Variants in PRKDC observed in about 807,000 individuals in gnomAD.
PRKDC encodes DNA-dependent protein kinase catalytic subunit.
PRKDC carries 82 observed loss-of-function variants against 486.9 expected under a neutral mutation model. That is an observed-to-expected ratio of 0.17 (90% confidence interval 0.14 to 0.20). The LOEUF is 0.20. Ranked by LOEUF, PRKDC falls within the 10% of genes least tolerant of loss-of-function variation. The pLI is 1.00. For missense variants in PRKDC, 4,504 were observed against 5,038.2 expected, an observed-to-expected ratio of 0.89 and a Z score of 3.21; for synonymous variants, 1,895 against 1,837.0, an observed-to-expected ratio of 1.03 and a Z score of -0.81.
At chr8:47,790,835 G>C (rs1204689434) in intron 74 of PRKDC, among the ~76,000 whole-genome samples, 4 of 152,092 alleles carry the variant, frequency 2.6e-5, no homozygotes, top group Non-Finnish European at 5.9e-5. Flanking sequence ...CCAATAAATG[G>C]TCCTGGGAAA....
Position 47,782,334 on chromosome 8 carries a change from G to A in PRKDC, c.11396+44C>T. ...AGAAAAACAGTCCCGTGGACGCCAA[G>A]CAATATGCAGCAGCCTACTGGCTGG... On this transcript the variant is annotated intron_variant, in intron 79 of 85. Coordinates refer to ENST00000314191, the MANE Select transcript of PRKDC (RefSeq NM_006904.7). The surrounding 1 kb of genome is among the most constrained non-coding windows in gnomAD (Gnocchi z 4.9). 1.9e-6 allele frequency: 3 copies of A among 1,609,874 alleles called. No individual in the cohort carries two copies. The highest frequency in any genetic ancestry group is 1.1e-5 in the South Asian group (1 of 90,716).
chr8:47,912,339 C>T, intron 25 of PRKDC, 71 bp downstream of exon 25: 1 of 1,427,718 alleles, frequency 7.0e-7, no homozygotes, highest in Non-Finnish European at 9.3e-7. Flanking sequence ...TTCCACTGCT[C>T]TGCTGACCAC....
intron 25 of PRKDC, among the ~76,000 whole-genome samples, 195 bp from the exon 26 acceptor site, chr8:47,905,171 A>T (rs1216628772): frequency 1.3e-5 from 2 of 152,160 alleles, no homozygotes; most frequent in East Asian, 3.8e-4. Context: ...GACTACAGGC[A>T]TGTACCACCA....
At chr8:47,870,832 T>C (rs561891414) in intron 40 of PRKDC, among the ~76,000 whole-genome samples, 2 of 152,000 alleles carry the variant, frequency 1.3e-5, no homozygotes, top group Admixed American at 6.5e-5. Context: ...AAATTCAACA[T>C]AATACAGAAA....
intron 45 of PRKDC, 130 bp downstream of exon 45, chr8:47,860,769 T>C (rs545187684): frequency 8.0e-6 from 5 of 625,272 alleles, no homozygotes; most frequent in South Asian, 7.8e-5. Context: ...TCAATTTCAA[T>C]GTTTTAGGGT....
At chr8:47,892,514 A>G (rs1234401083) in intron 31 of PRKDC, among the ~76,000 whole-genome samples, 1 of 152,032 alleles carries the variant, frequency 6.6e-6, no homozygotes, top group Non-Finnish European at 1.5e-5. Context: ...TATTTTTTGT[A>G]CAGATAGTGT....
chr8:47,806,735 T>C (rs374830582), intron 69 of PRKDC, among the ~76,000 whole-genome samples: 80 of 152,396 alleles, frequency 5.2e-4, no homozygotes, highest in African/African-American at 1.9e-3. Context: ...ATTCATTTTG[T>C]TAACGATCAA....
Position 47,882,000 on chromosome 8 carries a change from T to G in PRKDC, c.4874A>C (p.His1625Pro). The change falls in exon 37 of 86, where the codon CAC (histidine) becomes CCC (proline). Residue 1625 changes from histidine to proline, a missense_variant. His to Pro is a moderately conservative substitution (Grantham distance 77, BLOSUM62 -2). Transcript: ENST00000314191. ...GLKLATTILQ[H>P]WKKCDSWWAK... ...CCACCATGAATCACACTTCTTCCAG[T>G]GTTGCAGAATTGTAGTCGCAAGTTT... 4 of 1,614,054 alleles carry G rather than the reference T, an allele frequency of 2.5e-6. No individual in the cohort carries two copies. The highest frequency in any genetic ancestry group is 3.4e-6 in the Non-Finnish European group (4 of 1,179,896).
At chr8:47,780,450 A>G (rs2086680295) in intron 80 of PRKDC, among the ~76,000 whole-genome samples, 1 of 152,248 alleles carries the variant, frequency 6.6e-6, no homozygotes, top group Non-Finnish European at 1.5e-5. Flanking sequence ...CGTATGTTTA[A>G]GTACTTTTGT....
At chr8:47,905,481 C>T (rs569963923) in intron 25 of PRKDC, among the ~76,000 whole-genome samples, 73 of 152,110 alleles carry the variant, frequency 4.8e-4, no homozygotes, top group Non-Finnish European at 7.4e-4. Context: ...TGATCTTGAA[C>T]GTGCACACAA....
rs79348332 is a variant in PRKDC at position 47,821,012 on chromosome 8, T to C, written c.9112-69A>G. The C allele has an allele frequency of 5.3e-4, 526 of 990,786 alleles. 4 individuals are homozygous for C. The African/African-American group carries it at 7.3e-3, about 14-fold the overall frequency. The allele number at this position is 990,786 out of a possible 1,614,324, so 61.4% of individuals were successfully genotyped here. On this transcript the variant is annotated intron_variant, in intron 65 of 85. Coordinates refer to ENST00000314191, the MANE Select transcript of PRKDC (RefSeq NM_006904.7). ...TGAGTATGTCTAATTATTTTATTTC[T>C]ATTATATTCTTTGCTATACTTTCAC... is the stretch of plus-strand genomic sequence containing the variant.
intron 25 of PRKDC, among the ~76,000 whole-genome samples, chr8:47,908,609 T>G (rs991601601): frequency 6.6e-6 from 1 of 152,202 alleles, no homozygotes; most frequent in Non-Finnish European, 1.5e-5. Context: ...TACTTTTTGT[T>G]AACAAAACAT....
chr8:47,905,993 G>GA (rs1193659232), intron 25 of PRKDC, among the ~76,000 whole-genome samples: 1 of 152,172 alleles, frequency 6.6e-6, no homozygotes, highest in Non-Finnish European at 1.5e-5. Flanking sequence ...AGCAAAAAGA[G>GA]AAGTGGATCA....
rs1014285595 is a variant in PRKDC at position 47,834,686 on chromosome 8, C to CTTT, written c.7952-293_7952-291dup. 1.4e-3 allele frequency among the ~76,000 whole-genome samples: 137 copies of CTTT among 96,690 alleles called. 2 individuals carry two copies. The highest frequency in any genetic ancestry group is 4.0e-3 in the African/African-American group (58 of 14,604). 63.4% of individuals were successfully genotyped at this position (96,690 alleles called of 152,430 possible). A position where few individuals can be genotyped will look rare whatever the true frequency, so the allele number is the denominator to read the frequency against. ...ACTGAAAGGTGCTAAGAACCCCTGA[C>CTTT]TTTTTTTTTTTTTTTTTTTTTTGAG... On this transcript the variant is annotated intron_variant, in intron 58 of 85. Transcript: ENST00000314191.
intron 60 of PRKDC, 116 bp from the exon 61 acceptor site, chr8:47,830,852 T>C: frequency 2.3e-6 from 3 of 1,299,546 alleles, no homozygotes; most frequent in South Asian, 1.3e-5. Flanking sequence ...TGGTGGGAAC[T>C]GATGCTCGCA....
rs2154504880 is a variant in PRKDC at position 47,960,132 on chromosome 8, CGA to C, written c.-8_-7del. ...CCGGCTCCGGAGCCCGCCATGCCGC[CGA>C]GTCCCGCTCCCGCGCGTGCGCCCGC... On this transcript the variant is annotated 5_prime_UTR_variant, in exon 1 of 86. Transcript: ENST00000314191. 6.7e-7 allele frequency: 1 copy of C among 1,483,752 alleles called. No homozygotes were observed. The highest frequency in any genetic ancestry group is 1.5e-5 in the African/African-American group (1 of 68,776). The allele number at this position is 1,483,752 out of a possible 1,614,324, so 91.9% of individuals were successfully genotyped here.
chr8:47,877,452 T>C (rs781662186), intron 40 of PRKDC, among the ~76,000 whole-genome samples: 1 of 152,128 alleles, frequency 6.6e-6, no homozygotes, highest in East Asian at 1.9e-4. Context: ...ACAATAGCAG[T>C]AGCAAAAAAG....
At chr8:47,834,603 TTTGTAAAGTAAGAAACACG>T (rs1028949200) in intron 58 of PRKDC, among the ~76,000 whole-genome samples, 1 of 152,070 alleles carries the variant, frequency 6.6e-6, no homozygotes, top group African/African-American at 2.4e-5. Flanking sequence ...AGTGTCCCCA[TTTGTAAAGTAAGAAACACG>T]CCACTTGCTC....
chr8:47,790,845 A>G (rs1280103902), intron 74 of PRKDC, among the ~76,000 whole-genome samples: 3 of 152,226 alleles, frequency 2.0e-5, no homozygotes, highest in Non-Finnish European at 4.4e-5. Flanking sequence ...GTCCTGGGAA[A>G]ACTGGGTATC....
Sources: allele counts gnomAD v4.1 joint callset (sites outside exome capture counted in the v4.1 genomes callset), GRCh38; gene constraint gnomAD v4.1.1; non-coding constraint Gnocchi (gnomAD v3.1); transcripts MANE v1.5; gene names NCBI Gene and HGNC (gene_info 2026-07-23, HGNC 2026-07-21).